Variants in MMP26 observed in about 807,000 individuals in gnomAD.
MMP26 encodes the protein matrix metalloproteinase-26.
In MMP26, 33 loss-of-function variants were observed where a neutral mutation model predicts 31.0. The observed-to-expected ratio is 1.06, with a 90% CI of 0.81 to 1.42. The LOEUF is 1.42. Among genes scored for constraint, MMP26 ranks in the 40% most tolerant of loss-of-function variants. The probability of loss-of-function intolerance (pLI) is 0.00; values close to 1 mark genes in which losing one functional copy is unlikely to be tolerated. For missense variants in MMP26, 347 were observed against 316.1 expected, an observed-to-expected ratio of 1.10 and a Z score of -0.74; for synonymous variants, 122 against 114.9, an observed-to-expected ratio of 1.06 and a Z score of -0.40.
chr11:4,714,327 G>C (rs1252064231), intron 1 of MMP26, among the ~76,000 whole-genome samples: 1 of 152,116 alleles, frequency 6.6e-6, no homozygotes, highest in Admixed American at 6.5e-5. Context: ...TGAGCCATTT[G>C]TTTTGCTGCT....
intron 2 of MMP26, among the ~76,000 whole-genome samples, chr11:4,906,959 G>C (rs1303276077): frequency 6.6e-6 from 1 of 151,694 alleles, no homozygotes; most frequent in Non-Finnish European, 1.5e-5. Flanking sequence ...GCATGGTGGT[G>C]GTGGTGCACA....
At chr11:4,856,938 A>T (rs904788141) in intron 2 of MMP26, among the ~76,000 whole-genome samples, 1 of 152,216 alleles carries the variant, frequency 6.6e-6, no homozygotes, top group Non-Finnish European at 1.5e-5. Context: ...CCGCACAACT[A>T]CATGGAAACT....
chr11:4,927,565 G>A (rs903832590), intron 2 of MMP26, among the ~76,000 whole-genome samples: 15 of 152,110 alleles, frequency 9.9e-5, no homozygotes, highest in Admixed American at 3.9e-4. Flanking sequence ...TGTGGCTCAG[G>A]TTCCCTGTGA....
At chr11:4,917,393 TC>T (rs1486487607) in intron 2 of MMP26, among the ~76,000 whole-genome samples, 1 of 152,232 alleles carries the variant, frequency 6.6e-6, no homozygotes, top group African/African-American at 2.4e-5. Context: ...GATTACTCTT[TC>T]TTGCCATATA....
chr11:4,841,366 C>T (rs1849793489), intron 2 of MMP26, among the ~76,000 whole-genome samples: 1 of 152,080 alleles, frequency 6.6e-6, no homozygotes, highest in Non-Finnish European at 1.5e-5. Context: ...CACCTCAAAG[C>T]ATTTAATAAT....
chr11:4,984,224 T>TA (rs1846854882), intron 2 of MMP26, among the ~76,000 whole-genome samples: 1 of 152,196 alleles, frequency 6.6e-6, no homozygotes, highest in Non-Finnish European at 1.5e-5. Flanking sequence ...GCCTTCAGAA[T>TA]AAAATACTCT....
chr11:4,705,763 GCAGAT>G (rs1428097530), intron 1 of MMP26, among the ~76,000 whole-genome samples: 1 of 152,102 alleles, frequency 6.6e-6, no homozygotes, highest in Admixed American at 6.5e-5. Flanking sequence ...GCTGAAGTGG[GCAGAT>G]CACGAGGTCA....
chr11:4,793,119 C>A (rs773088717), intron 2 of MMP26, among the ~76,000 whole-genome samples: 1 of 152,134 alleles, frequency 6.6e-6, no homozygotes, highest in African/African-American at 2.4e-5. Context: ...TACAACAAGA[C>A]TATTTGTATT....
At chr11:4,789,033 T>C (rs1458029038) in intron 2 of MMP26, among the ~76,000 whole-genome samples, 2 of 152,194 alleles carry the variant, frequency 1.3e-5, no homozygotes, top group Admixed American at 6.5e-5. Flanking sequence ...CCTCCACTTA[T>C]CTATTTGTGG....
At chr11:4,723,276 T>C in intron 1 of MMP26, 1 of 1,071,314 alleles carries the variant, frequency 9.3e-7, no homozygotes, top group Non-Finnish European at 1.4e-6. Context: ...ATCTCAGTCT[T>C]GTGCGCTGCG....
intron 1 of MMP26, among the ~76,000 whole-genome samples, chr11:4,730,951 T>G (rs928962825): frequency 3.3e-5 from 5 of 152,084 alleles, no homozygotes; most frequent in African/African-American, 1.2e-4. Flanking sequence ...ATTTATTTAT[T>G]TATTTATTTT....
At chr11:4,710,107 A>G in intron 1 of MMP26, 1 of 456,658 alleles carries the variant, frequency 2.2e-6, no homozygotes, top group South Asian at 1.5e-5. Context: ...CACCATTCCT[A>G]CTGCTTCCAC....
chr11:4,967,377 C>G (rs10734457), intron 2 of MMP26, among the ~76,000 whole-genome samples: 79,697 of 152,028 alleles, frequency 0.52, 21,380 homozygotes, highest in South Asian at 0.64. Flanking sequence ...AGGCCTTATA[C>G]GTTTTCTTTA....
At chr11:4,759,001 C>T (rs1848538987) in intron 1 of MMP26, among the ~76,000 whole-genome samples, 1 of 150,910 alleles carries the variant, frequency 6.6e-6, no homozygotes, top group Admixed American at 6.6e-5. Context: ...ATCACAGCTA[C>T]CTGGGAGGCT....
chr11:4,874,921 C>T (rs1397506901), intron 2 of MMP26, among the ~76,000 whole-genome samples: 2 of 152,014 alleles, frequency 1.3e-5, no homozygotes, highest in Non-Finnish European at 2.9e-5. Flanking sequence ...TTGCTGCTAA[C>T]TCAAGATGAC....
chr11:4,863,391 A>G (rs1312339576), intron 2 of MMP26, among the ~76,000 whole-genome samples: 1 of 151,868 alleles, frequency 6.6e-6, no homozygotes, highest in African/African-American at 2.4e-5. Context: ...TCCCCATAGT[A>G]TATGTCTTCT....
intron 1 of MMP26, among the ~76,000 whole-genome samples, chr11:4,749,411 T>G (rs1453520267): frequency 6.6e-6 from 1 of 151,948 alleles, no homozygotes; most frequent in Non-Finnish European, 1.5e-5. Flanking sequence ...AAAATCATTT[T>G]TTTCACAGAA....
chr11:4,908,417 A>C lies in MMP26; in HGVS notation c.-144-79651A>C, dbSNP rs983419986. On this transcript the variant is annotated intron_variant, in intron 2 of 7. Transcript: ENST00000380390. ...AATGAAGGACTGGATGATGGAAGTG[A>C]AAAGCTATGTAGTGCAGAATTTATA... The C allele has an allele frequency of 3.3e-6, 3 of 920,796 alleles. 1 individual carries two copies. The highest frequency in any genetic ancestry group is 1.9e-5 in the Admixed American group (1 of 52,008). The allele number at this position is 920,796 out of a possible 1,614,324, so 57.0% of individuals were successfully genotyped here. A position where few individuals can be genotyped will look rare whatever the true frequency, so the allele number is the denominator to read the frequency against.
At chr11:4,938,388 A>G (rs1846158885) in intron 2 of MMP26, 1 of 152,030 alleles carries the variant, frequency 6.6e-6, no homozygotes. Flanking sequence ...TTTCTGTTAC[A>G]TTATAGATAC....
Sources: gnomAD v4.1 joint callset for allele counts (sites outside exome capture counted in the v4.1 genomes callset) on GRCh38, gnomAD v4.1.1 for gene constraint, MANE v1.5 for transcripts, NCBI Gene and HGNC (gene_info 2026-07-23, HGNC 2026-07-21) for gene names.